Variants in NTRK3 observed in about 807,000 individuals in gnomAD.
The protein encoded by NTRK3 is neurotrophic receptor tyrosine kinase 3.
A neutral mutation model predicts 91.7 loss-of-function variants in NTRK3; 24 were observed. The ratio of observed to expected loss-of-function variants is 0.26; its 90% CI spans 0.19 to 0.37. The LOEUF is 0.37. NTRK3 is among the 10% of genes least tolerant of loss of function. The pLI is 1.00. For synonymous variants in NTRK3, 483 were observed against 404.0 expected, an observed-to-expected ratio of 1.20 and a Z score of -2.34; for missense variants, 880 against 1,068.9, an observed-to-expected ratio of 0.82 and a Z score of 2.46.
intron 17 of NTRK3, among the ~76,000 whole-genome samples, chr15:87,912,970 A>T (rs2067202825): frequency 7.4e-6 from 1 of 136,014 alleles, no homozygotes; most frequent in African/African-American, 2.6e-5. Context: ...ATATATATAT[A>T]TATGCTTCAA....
chr15:88,134,276 T>A (rs2041664051), intron 10 of NTRK3, among the ~76,000 whole-genome samples: 1 of 152,186 alleles, frequency 6.6e-6, no homozygotes, highest in South Asian at 2.1e-4. Flanking sequence ...GATGCTACAA[T>A]CACTTTCACT....
At chr15:87,944,188 C>G (rs57827793) in intron 14 of NTRK3, among the ~76,000 whole-genome samples, 1,836 of 152,308 alleles carry the variant, frequency 0.012, 32 homozygotes, top group African/African-American at 0.041. Context: ...GGTTCCTCAT[C>G]ATGAGGATAA....
At chr15:87,892,083 A>ACACACACACACACAC (rs2065880934) in intron 17 of NTRK3, among the ~76,000 whole-genome samples, 1 of 141,344 alleles carries the variant, frequency 7.1e-6, no homozygotes, top group East Asian at 2.1e-4. Flanking sequence ...CCCCATCCCC[A>ACACACACACACACAC]ACACACACAC....
chr15:87,895,237 GTCTGGTTATTGTTTT>G (rs1255875910), intron 17 of NTRK3, among the ~76,000 whole-genome samples: 1 of 152,210 alleles, frequency 6.6e-6, no homozygotes, highest in African/African-American at 2.4e-5. Context: ...GTCCCACAGT[GTCTGGTTATTGTTTT>G]TAATGTAAAT....
chr15:88,220,528 A>G (rs1294154433), intron 3 of NTRK3, among the ~76,000 whole-genome samples: 1 of 152,226 alleles, frequency 6.6e-6, no homozygotes, highest in Non-Finnish European at 1.5e-5. Context: ...GATCTGAAAA[A>G]TAGTGAGAGC....
intron 13 of NTRK3, among the ~76,000 whole-genome samples, chr15:88,071,636 G>A (rs956068459): frequency 5.9e-5 from 9 of 152,220 alleles, no homozygotes; most frequent in African/African-American, 2.2e-4. Flanking sequence ...GGCCTAAGAG[G>A]TAAGACGTTA....
chr15:88,076,344 A>G (rs1386202259), intron 13 of NTRK3, among the ~76,000 whole-genome samples: 3 of 152,070 alleles, frequency 2.0e-5, no homozygotes, highest in South Asian at 2.1e-4. Context: ...CCCACAACAT[A>G]TGGGAATTAT....
In NTRK3 at chr15:88,175,414, A is replaced by G. The variant is rs113313810; in HGVS notation, c.395+8004T>C. On this transcript the variant is annotated intron_variant, in intron 5 of 18. Transcript: ENST00000394480. ...GAGAGAGAGAGACATAAAGAGATAGAGCAATAGATATACACAATTCACTTA... is the reference window on the plus strand; with the variant it reads ...GAGAGAGAGAGACATAAAGAGATAGGGCAATAGATATACACAATTCACTTA... Among the ~76,000 whole-genome samples the G allele has an allele frequency of 2.3e-3, 351 of 152,338 alleles. 2 individuals carry two copies. The highest frequency in any genetic ancestry group is 8.0e-3 in the African/African-American group (334 of 41,576).
intron 5 of NTRK3, among the ~76,000 whole-genome samples, chr15:88,164,941 G>T (rs770666677): frequency 1.3e-5 from 2 of 152,184 alleles, no homozygotes; most frequent in Non-Finnish European, 2.9e-5. Flanking sequence ...AAGAGATCTG[G>T]TAGTGTTCAC....
exon 19 of NTRK3, chr15:87,871,710 C>T (rs1367072789): frequency 8.8e-6 from 2 of 227,490 alleles, no homozygotes; most frequent in African/African-American, 4.4e-5. Flanking sequence ...ATTTCTTATC[C>T]CCAAGAACGG....
At chr15:88,230,200 T>G (rs992073834) in intron 3 of NTRK3, among the ~76,000 whole-genome samples, 1 of 152,188 alleles carries the variant, frequency 6.6e-6, no homozygotes, top group Admixed American at 6.5e-5. Flanking sequence ...TGAAAAGTGC[T>G]CAGCACATAG....
chr15:87,886,183 G>A (rs771644630), intron 17 of NTRK3, among the ~76,000 whole-genome samples: 49 of 152,182 alleles, frequency 3.2e-4, no homozygotes, highest in Non-Finnish European at 6.2e-4. Context: ...TTTGAGAGGG[G>A]TGAGGAAAGA....
At chr15:87,890,293 T>A (rs949636939) in intron 17 of NTRK3, among the ~76,000 whole-genome samples, 4 of 152,176 alleles carry the variant, frequency 2.6e-5, no homozygotes, top group African/African-American at 9.7e-5. Context: ...TGATGATCAC[T>A]GCCCAGGTCC....
intron 17 of NTRK3, among the ~76,000 whole-genome samples, chr15:87,913,026 T>C (rs1794609825): frequency 6.9e-6 from 1 of 144,148 alleles, no homozygotes. Flanking sequence ...GATGATGGCA[T>C]AGAGCTGGCA....
At chr15:88,123,437 G>C (rs770626635) in intron 13 of NTRK3, among the ~76,000 whole-genome samples, 8 of 152,216 alleles carry the variant, frequency 5.3e-5, no homozygotes, top group Non-Finnish European at 1.0e-4. Context: ...CTTTATCCAA[G>C]ACTGTGATGC....
Position 88,022,699 on chromosome 15 carries a change from G to A in NTRK3, c.1585+10158C>T, listed in dbSNP as rs540634380. ...TTCCCCTGGGCTCCCATCCCACCGG[G>A]AAATGACATTACTCCAAGCTGGCTG... On this transcript the variant is annotated intron_variant, in intron 14 of 18. Coordinates refer to ENST00000394480, the Ensembl canonical transcript of NTRK3. Among the ~76,000 whole-genome samples, 60 of 152,212 alleles carry A rather than the reference G, an allele frequency of 3.9e-4. 2 individuals are homozygous for A. Among genetic ancestry groups the A allele is most frequent in the Middle Eastern group, 6.8e-3 (2 of 294 alleles).
intron 14 of NTRK3, among the ~76,000 whole-genome samples, chr15:87,966,097 A>G (rs2072769049): frequency 6.6e-6 from 1 of 151,932 alleles, no homozygotes; most frequent in Non-Finnish European, 1.5e-5. Context: ...CAAACAAACA[A>G]ACAAACAAAC....
At chr15:88,120,824 G>A (rs1476818930) in intron 13 of NTRK3, among the ~76,000 whole-genome samples, 1 of 152,194 alleles carries the variant, frequency 6.6e-6, no homozygotes, top group Non-Finnish European at 1.5e-5. Context: ...TCAAGTATGT[G>A]GAAAAGCAGG....
intron 17 of NTRK3, among the ~76,000 whole-genome samples, chr15:87,898,002 C>T (rs1435965427): frequency 2.6e-5 from 4 of 152,156 alleles, no homozygotes; most frequent in African/African-American, 9.7e-5. Flanking sequence ...ACACTCAGAA[C>T]ATGTGCAGAA....
Sources: allele counts gnomAD v4.1 joint callset (sites outside exome capture counted in the v4.1 genomes callset), GRCh38; gene constraint gnomAD v4.1.1; transcripts MANE v1.5; gene names NCBI Gene and HGNC (gene_info 2026-07-23, HGNC 2026-07-21).